The following CDK5RAP2 variants were observed in gnomAD, a reference collection of about 807,000 sequenced individuals.
The protein encoded by CDK5RAP2 is CDK5 regulatory subunit-associated protein 2.
CDK5RAP2 carries 147 observed loss-of-function variants against 232.9 expected under a neutral mutation model. The observed-to-expected ratio is 0.63, with a 90% confidence interval of 0.55 to 0.72. CDK5RAP2 has a LOEUF of 0.72. Ranked by LOEUF, CDK5RAP2 falls within the 30% of genes least tolerant of loss-of-function variation. CDK5RAP2 has a pLI of 0.00. For missense variants in CDK5RAP2, 2,195 were observed against 2,231.5 expected (o/e 0.98, Z 0.33); for synonymous variants, 833 against 833.7 (o/e 1.00, Z 0.01).
At chr9:120,417,009 G>A (rs1255099442) in intron 27 of CDK5RAP2, among the ~76,000 whole-genome samples, 2 of 152,216 alleles carry the variant, frequency 1.3e-5, no homozygotes, top group Non-Finnish European at 2.9e-5. Flanking sequence ...GTGGAATGTC[G>A]TAGCTCTCGC....
At chr9:120,502,198 T>C (rs1221023325) in intron 12 of CDK5RAP2, among the ~76,000 whole-genome samples, 1 of 152,240 alleles carries the variant, frequency 6.6e-6, no homozygotes, top group Non-Finnish European at 1.5e-5. Flanking sequence ...GAAGAATAAC[T>C]ATAAAACCTG....
At chr9:120,497,829 G>A (rs1400873281) in intron 12 of CDK5RAP2, among the ~76,000 whole-genome samples, 1 of 152,156 alleles carries the variant, frequency 6.6e-6, no homozygotes, top group Non-Finnish European at 1.5e-5. Context: ...CGGGGTTCAG[G>A]GTCTAAAACC....
Position 120,408,400 on chromosome 9 carries a change from C to G in CDK5RAP2, c.4673G>C (p.Arg1558Pro), listed in dbSNP as rs377338416. 8 of 1,614,192 alleles carry G rather than the reference C, an allele frequency of 5.0e-6. No homozygotes were observed. In the African/African-American group the frequency reaches 8.0e-5, roughly 16 times the overall value. Residue 1558 changes from arginine to proline, a missense_variant, in exon 31 of 38, where the codon CGA (arginine) becomes CCA (proline). Transcript: ENST00000349780. ...CTTCTCATACGCCTTCAGCTCCACT[C>G]GGAGAGACTGCAATAGCTTGTCATT... Reference protein sequence around the residue: ...SQNDKLLQSLRVELKAYEKLD... With the variant: ...SQNDKLLQSLPVELKAYEKLD...
intron 18 of CDK5RAP2, 186 bp from the exon 19 acceptor site, chr9:120,460,853 G>A (rs921019131): frequency 2.9e-5 from 26 of 901,732 alleles, no homozygotes; most frequent in South Asian, 9.9e-5. Flanking sequence ...TAGTTGTGGC[G>A]AATCAGACAC....
At chr9:120,534,575 T>C (rs959175095) in intron 7 of CDK5RAP2, among the ~76,000 whole-genome samples, 3 of 152,188 alleles carry the variant, frequency 2.0e-5, no homozygotes, top group African/African-American at 4.8e-5. Context: ...GAGTAGAAGA[T>C]GCTCAGGTGA....
chr9:120,560,571 T>A (rs1446021570), intron 3 of CDK5RAP2, among the ~76,000 whole-genome samples: 1 of 152,188 alleles, frequency 6.6e-6, no homozygotes, highest in Admixed American at 6.5e-5. Context: ...ATTTTTAAAT[T>A]TTTACATCTA....
intron 3 of CDK5RAP2, among the ~76,000 whole-genome samples, chr9:120,558,430 A>G (rs538531617): frequency 6.6e-6 from 1 of 151,286 alleles, no homozygotes; most frequent in East Asian, 1.9e-4. Context: ...TGATGTAACA[A>G]GAGCCCCCTT....
intron 35 of CDK5RAP2, among the ~76,000 whole-genome samples, chr9:120,395,639 G>C (rs955880591): frequency 6.6e-6 from 1 of 152,274 alleles, no homozygotes; most frequent in Admixed American, 6.5e-5. Context: ...GAGAGCTGGT[G>C]AGTTGTCAGC....
chr9:120,441,710 T>A (rs1433720831), intron 23 of CDK5RAP2, among the ~76,000 whole-genome samples: 1 of 152,224 alleles, frequency 6.6e-6, no homozygotes, highest in Non-Finnish European at 1.5e-5. Flanking sequence ...TTGTATCTGT[T>A]CATGATGCAA....
intron 13 of CDK5RAP2, among the ~76,000 whole-genome samples, chr9:120,488,446 C>T (rs1050967434): frequency 1.3e-5 from 2 of 152,148 alleles, no homozygotes; most frequent in African/African-American, 4.8e-5. Flanking sequence ...AATAGTACTA[C>T]AGGCTTAAAT....
chr9:120,521,615 A>G (rs1338710929), intron 11 of CDK5RAP2, among the ~76,000 whole-genome samples: 1 of 151,376 alleles, frequency 6.6e-6, no homozygotes, highest in Non-Finnish European at 1.5e-5. Flanking sequence ...CCAGCCATAA[A>G]GAATTGTGAG....
Position 120,408,363 on chromosome 9 carries a change from C to T in CDK5RAP2, c.4710G>A (p.Glu1570=), listed in dbSNP as rs527666804. Reference sequence around the variant, plus strand: ...CCTCAGTACCTCTCAGTCTCCTGTGCTCTTCATCCAGCTTCTCATACGCCT... The same window carrying T: ...CCTCAGTACCTCTCAGTCTCCTGTGTTCTTCATCCAGCTTCTCATACGCCT... ...ELKAYEKLDE[E]HRRLREASGE... is the part of the protein sequence containing the mutation. Residue 1570 remains glutamate (E), a synonymous_variant, in exon 31 of 38, where the codon GAG becomes GAA. Transcript: ENST00000349780. The T allele has an allele frequency of 3.1e-6, 5 of 1,614,116 alleles. No homozygotes were observed. The South Asian group carries it at 3.3e-5, about 11-fold the overall frequency.
intron 3 of CDK5RAP2, among the ~76,000 whole-genome samples, chr9:120,558,912 T>A (rs768121914): frequency 1.6e-4 from 24 of 152,368 alleles, no homozygotes; most frequent in Admixed American, 2.6e-4. Context: ...TACATGAATA[T>A]AATCCACTTA....
chr9:120,574,218 A>C (rs1211367491), intron 1 of CDK5RAP2, among the ~76,000 whole-genome samples: 1 of 152,086 alleles, frequency 6.6e-6, no homozygotes, highest in East Asian at 1.9e-4. Flanking sequence ...CCAAATTTCC[A>C]CTCGGGCTTT....
chr9:120,569,823 C>T (rs756077717), intron 2 of CDK5RAP2, among the ~76,000 whole-genome samples: 2 of 151,992 alleles, frequency 1.3e-5, no homozygotes, highest in South Asian at 4.1e-4. Context: ...AACAGGGAAA[C>T]CAGTTAGGAG....
chr9:120,459,553 T>A (rs894391037), intron 19 of CDK5RAP2, among the ~76,000 whole-genome samples: 14 of 152,172 alleles, frequency 9.2e-5, no homozygotes, highest in African/African-American at 3.4e-4. Context: ...ATAAGCAACC[T>A]CCAAAGAAGG....
Position 120,439,379 on chromosome 9 carries a change from A to G in CDK5RAP2, c.3722+20T>C, listed in dbSNP as rs1324419752. On this transcript the variant is annotated intron_variant, in intron 24 of 37. Transcript: ENST00000349780. ...GGGGACTACAGGCTTAAACGGGGAG[A>G]CGGCAGAGGTGGAACGTACCTGGGA... 3.7e-6 allele frequency: 6 copies of G among 1,602,294 alleles called. No individual in the cohort carries two copies. The highest frequency in any genetic ancestry group is 5.1e-6 in the Non-Finnish European group (6 of 1,169,918).
Position 120,536,368 on chromosome 9 carries a change from A to T in CDK5RAP2, c.662+4T>A, listed in dbSNP as rs1038194997. The T allele has an allele frequency of 1.7e-5, 27 of 1,614,066 alleles. No individual in the cohort carries two copies. Among genetic ancestry groups the T allele is most frequent in the Non-Finnish European group, 2.3e-5 (27 of 1,179,888 alleles). The stretch of plus-strand genomic sequence containing the variant: ...TCAGGGTATGACAGGGACAAGAGCC[A>T]GACCTGTCTTTCTCATCCAGGACCA... On this transcript the variant is annotated splice_donor_region_variant and intron_variant, in intron 7 of 37. Coordinates refer to ENST00000349780, the MANE Select transcript of CDK5RAP2 (RefSeq NM_018249.6).
intron 14 of CDK5RAP2, among the ~76,000 whole-genome samples, chr9:120,484,405 G>T (rs2038483337): frequency 6.6e-6 from 1 of 152,146 alleles, no homozygotes; most frequent in African/African-American, 2.4e-5. Context: ...TTCCTTTGTT[G>T]CTGTTGTTTT....
Sources: allele counts gnomAD v4.1 joint callset (sites outside exome capture counted in the v4.1 genomes callset), GRCh38; gene constraint gnomAD v4.1.1; transcripts MANE v1.5; gene names NCBI Gene and HGNC (gene_info 2026-07-23, HGNC 2026-07-21).